TMCO4: variants seen among roughly 807,000 people sequenced by gnomAD.
TMCO4 encodes the protein transmembrane and coiled-coil domains 4.
Under a neutral mutation model 64.7 loss-of-function variants are expected in TMCO4, and 58 were observed. The observed-to-expected ratio is 0.90, with a 90% CI of 0.73 to 1.12. TMCO4 has a LOEUF of 1.12. Ranked by LOEUF, TMCO4 falls within the 50% of genes most tolerant of loss-of-function variation. TMCO4 has a pLI of 0.00. For synonymous variants in TMCO4, 325 were observed against 346.1 expected, an observed-to-expected ratio of 0.94 and a Z score of 0.68; for missense variants, 780 against 825.9, an observed-to-expected ratio of 0.94 and a Z score of 0.68.
intron 13 of TMCO4, among the ~76,000 whole-genome samples, chr1:19,722,992 A>G (rs2095392389): frequency 6.6e-6 from 1 of 152,162 alleles, no homozygotes; most frequent in African/African-American, 2.4e-5. Context: ...GATGGGACAC[A>G]TGTACTAGTG....
At chr1:19,775,213 C>T (rs934752804) in intron 4 of TMCO4, among the ~76,000 whole-genome samples, 1 of 152,054 alleles carries the variant, frequency 6.6e-6, no homozygotes, top group Non-Finnish European at 1.5e-5. Flanking sequence ...TACAGATGTG[C>T]ACCACCACAC....
chr1:19,796,677 C>T lies in TMCO4; in HGVS notation c.-101+1460G>A, dbSNP rs545857164. ...GCAACCTCCACCTCCCGGATTCAAGCGATTCTCCTGCCTCAGCTTCCTGAG... is the reference window on the plus strand; with the variant it reads ...GCAACCTCCACCTCCCGGATTCAAGTGATTCTCCTGCCTCAGCTTCCTGAG... On this transcript the variant is annotated intron_variant, in intron 2 of 15. Transcript: ENST00000294543. 1.3e-3 allele frequency among the ~76,000 whole-genome samples: 191 copies of T among 152,204 alleles called. 1 individual carries two copies. The highest frequency in any genetic ancestry group is 3.3e-3 in the African/African-American group (139 of 41,524).
Position 19,795,442 on chromosome 1 carries a change from A to T in TMCO4, c.-101+2695T>A, listed in dbSNP as rs187587144. On this transcript the variant is annotated intron_variant, in intron 2 of 15. Transcript: ENST00000294543. ...AGCCGAGATTGCGCCATTGCACTCCAGCCTGGGTGACAAGAGCAAAACTCT... is the reference window on the plus strand; with the variant it reads ...AGCCGAGATTGCGCCATTGCACTCCTGCCTGGGTGACAAGAGCAAAACTCT... Among the ~76,000 whole-genome samples the T allele has an allele frequency of 6.6e-4, 100 of 152,346 alleles. 1 individual carries two copies. The highest frequency in any genetic ancestry group is 2.0e-3 in the African/African-American group (83 of 41,586).
At chr1:19,773,072 C>G (rs2043057947) in intron 4 of TMCO4, among the ~76,000 whole-genome samples, 1 of 152,158 alleles carries the variant, frequency 6.6e-6, no homozygotes, top group Non-Finnish European at 1.5e-5. Context: ...TACCTGTAGT[C>G]CCATATATTC....
chr1:19,746,052 T>C (rs148706712), intron 9 of TMCO4, among the ~76,000 whole-genome samples: 81 of 152,310 alleles, frequency 5.3e-4, no homozygotes, highest in Non-Finnish European at 9.3e-4. Context: ...TGAACAGGAA[T>C]GTCTGTGCAT....
At chr1:19,793,091 C>T (rs1314812904) in intron 2 of TMCO4, among the ~76,000 whole-genome samples, 2 of 152,040 alleles carry the variant, frequency 1.3e-5, no homozygotes, top group African/African-American at 4.8e-5. Flanking sequence ...TTTGATGTGA[C>T]TATATGAGTG....
intron 6 of TMCO4, among the ~76,000 whole-genome samples, chr1:19,769,946 T>C (rs72658527): frequency 0.12 from 17,750 of 151,928 alleles, 1,135 homozygotes; most frequent in Non-Finnish European, 0.13. Context: ...CACACGTGCT[T>C]AGGGAGCTGC....
intron 15 of TMCO4, among the ~76,000 whole-genome samples, chr1:19,690,217 A>G (rs932228332): frequency 2.6e-5 from 4 of 152,220 alleles, no homozygotes; most frequent in Admixed American, 6.5e-5. Flanking sequence ...ATGCTGGACA[A>G]GAGCTTGGGA....
intron 2 of TMCO4, among the ~76,000 whole-genome samples, chr1:19,794,849 C>T (rs566437157): frequency 4.6e-5 from 7 of 152,146 alleles, no homozygotes; most frequent in Admixed American, 1.3e-4. Context: ...CGTTACAACA[C>T]GAATGAACCT....
intron 13 of TMCO4, among the ~76,000 whole-genome samples, chr1:19,722,502 A>C (rs891676194): frequency 2.6e-5 from 4 of 152,150 alleles, no homozygotes; most frequent in African/African-American, 9.7e-5. Flanking sequence ...TAATAAGGAA[A>C]ACTTGAAGAA....
Position 19,734,017 on chromosome 1 carries a change from C to T in TMCO4, c.1264+3355G>A, listed in dbSNP as rs554153123. ...TAGAATTGTGTCTGGTGCATGAAAA[C>T]GCAGTGTATTCCATAAGTGTGTGCT... On this transcript the variant is annotated intron_variant, in intron 13 of 15. Transcript: ENST00000294543. The surrounding 1 kb of genome is among the most constrained non-coding windows in gnomAD (Gnocchi z 4.4). Among the ~76,000 whole-genome samples the T allele has an allele frequency of 1.8e-4, 27 of 152,288 alleles. No homozygotes were observed. Among genetic ancestry groups the T allele is most frequent in the Admixed American group, 5.2e-4 (8 of 15,292 alleles).
chr1:19,755,585 C>T, intron 7 of TMCO4, 49 bp downstream of exon 7: 1 of 1,609,990 alleles, frequency 6.2e-7, no homozygotes, highest in South Asian at 1.1e-5. Flanking sequence ...GCAAAGTACA[C>T]TGAAGTGGAA....
At chr1:19,779,315 C>A (rs769094012) in intron 4 of TMCO4, among the ~76,000 whole-genome samples, 2 of 152,196 alleles carry the variant, frequency 1.3e-5, no homozygotes, top group Non-Finnish European at 1.5e-5. Context: ...TCAACCTCTT[C>A]CCAAGTCAAC....
chr1:19,748,777 A>G (rs1282921897), intron 7 of TMCO4, among the ~76,000 whole-genome samples: 1 of 152,184 alleles, frequency 6.6e-6, no homozygotes, highest in Non-Finnish European at 1.5e-5. Flanking sequence ...GAGAGCTGAG[A>G]TCCCACCACT....
intron 4 of TMCO4, 25 bp downstream of exon 4, chr1:19,780,555 C>A: frequency 6.4e-7 from 1 of 1,564,534 alleles, no homozygotes; most frequent in East Asian, 2.3e-5. Flanking sequence ...GCATGACCTT[C>A]CCACTGCAAG....
At chr1:19,776,014 T>A (rs1023700349) in intron 4 of TMCO4, among the ~76,000 whole-genome samples, 1 of 152,198 alleles carries the variant, frequency 6.6e-6, no homozygotes, top group African/African-American at 2.4e-5. Flanking sequence ...TTCAAGCGAT[T>A]CTTCTACCTC....
chr1:19,776,358 A>G (rs2043203351), intron 4 of TMCO4, among the ~76,000 whole-genome samples: 1 of 152,214 alleles, frequency 6.6e-6, no homozygotes, highest in Non-Finnish European at 1.5e-5. Flanking sequence ...TGTTTATAAC[A>G]ACGCTTGGAT....
intron 7 of TMCO4, among the ~76,000 whole-genome samples, chr1:19,754,601 C>T (rs1041991087): frequency 2.0e-5 from 3 of 152,158 alleles, no homozygotes; most frequent in Non-Finnish European, 2.9e-5. Flanking sequence ...ACCTGGGAGA[C>T]GTGCCTGGTG....
intron 13 of TMCO4, among the ~76,000 whole-genome samples, chr1:19,721,199 TC>T (rs1051129072): frequency 2.4e-4 from 37 of 152,168 alleles, no homozygotes; most frequent in Middle Eastern, 3.4e-3. Flanking sequence ...CTGAGAATGG[TC>T]CCCAGAGAGG....
Sources: gnomAD v4.1 joint callset for allele counts (sites outside exome capture counted in the v4.1 genomes callset) on GRCh38, gnomAD v4.1.1 for gene constraint, Gnocchi (gnomAD v3.1) non-coding constraint, MANE v1.5 for transcripts, NCBI Gene and HGNC (gene_info 2026-07-23, HGNC 2026-07-21) for gene names.